CDON: variants seen among roughly 807,000 people sequenced by gnomAD.
CDON encodes the protein cell adhesion molecule-related/down-regulated by oncogenes.
CDON carries 73 observed loss-of-function variants against 120.9 expected under a neutral mutation model. The ratio of observed to expected loss-of-function variants is 0.60; its 90% confidence interval spans 0.50 to 0.73. The LOEUF is 0.73. Ranked by LOEUF, CDON falls within the 30% of genes least tolerant of loss-of-function variation. CDON has a pLI of 0.00. For missense variants in CDON, 1,470 were observed against 1,587.3 expected (o/e 0.93, Z 1.26); for synonymous variants, 566 against 573.5 (o/e 0.99, Z 0.19).
chr11:126,027,053 T>C (rs1947810252), intron 1 of CDON, among the ~76,000 whole-genome samples: 1 of 152,230 alleles, frequency 6.6e-6, no homozygotes, highest in South Asian at 2.1e-4. Context: ...ATCTTCTTTA[T>C]TAAGTCTATC....
intron 1 of CDON, among the ~76,000 whole-genome samples, chr11:126,028,496 G>A (rs1947857205): frequency 6.6e-6 from 1 of 151,856 alleles, no homozygotes; most frequent in South Asian, 2.1e-4. Context: ...CCAAGTAGCT[G>A]GGATTACAGG....
intron 3 of CDON, among the ~76,000 whole-genome samples, chr11:126,020,802 C>T (rs1191744494): frequency 1.3e-5 from 2 of 152,110 alleles, no homozygotes; most frequent in East Asian, 1.9e-4. Flanking sequence ...ATTAAAATCA[C>T]TCAGTAATCA....
rs748719428 is a variant in CDON at position 126,023,469 on chromosome 11, G to A, written c.8C>T (p.Pro3Leu). 3.0e-5 allele frequency: 48 copies of A among 1,611,098 alleles called. 3 individuals carry two copies. In the African/African-American group the frequency reaches 3.6e-4, roughly 12 times the overall value. ...CAGTGTACATAAGGGTCCAAGATCC[G>A]GATGCATAGCGCCAGATTACAGAAG... MH[P>L]DLGPLCTLLY... The change falls in exon 2 of 20, where the codon CCG becomes CTG. Residue 3 changes from proline to leucine, a missense_variant. Transcript: ENST00000531738.
At chr11:126,045,837 G>A (rs950969217) in intron 1 of CDON, among the ~76,000 whole-genome samples, 2 of 152,058 alleles carry the variant, frequency 1.3e-5, no homozygotes, top group African/African-American at 4.8e-5. Context: ...GGGCGTGGTG[G>A]CACATGCCTG....
rs375828166 is a variant in CDON at position 126,005,730 on chromosome 11, G to A, written c.1851+29C>T. 7.3e-5 allele frequency: 117 copies of A among 1,604,252 alleles called. No homozygotes were observed. In the East Asian group the frequency reaches 1.3e-3, roughly 18 times the overall value. ...TACAAAGAACGTTCAGGTGTGAGCC[G>A]AGAAAGATGATAAACGACAAGACAT... is the stretch of plus-strand genomic sequence containing the variant. On this transcript the variant is annotated intron_variant, in intron 9 of 19. Coordinates refer to ENST00000531738, the MANE Select transcript of CDON (RefSeq NM_001378964.1).
At chr11:125,981,433 C>T (rs1300741504) in intron 16 of CDON, 104 bp from the exon 17 acceptor site, 1 of 1,204,586 alleles carries the variant, frequency 8.3e-7, no homozygotes, top group East Asian at 2.5e-5. Context: ...CACACACGCA[C>T]ACACGCACAC....
intron 18 of CDON, among the ~76,000 whole-genome samples, chr11:125,970,362 A>G (rs1945944502): frequency 6.6e-6 from 1 of 151,526 alleles, no homozygotes; most frequent in South Asian, 2.1e-4. Flanking sequence ...TTTAGTAGAG[A>G]TGGGGTTTCA....
At chr11:126,010,954 T>C in intron 7 of CDON, 1 of 519,300 alleles carries the variant, frequency 1.9e-6, no homozygotes, top group Non-Finnish European at 3.7e-6. Context: ...AAGAAATCTT[T>C]TGAGAGTTTT....
chr11:126,027,394 A>G (rs79206156), intron 1 of CDON, among the ~76,000 whole-genome samples: 15,333 of 152,244 alleles, frequency 0.1, 814 homozygotes, highest in Admixed American at 0.13. Flanking sequence ...TCAATGGTAC[A>G]TCATTTTCAA....
Position 126,017,161 on chromosome 11 carries a change from G to A in CDON, c.855C>T (p.Ser285=), listed in dbSNP as rs141221434. 15 of 1,614,094 alleles carry A rather than the reference G, an allele frequency of 9.3e-6. No individual in the cohort carries two copies. The highest frequency in any genetic ancestry group is 1.6e-4 in the Middle Eastern group (1 of 6,062). Residue 285 remains serine, a synonymous_variant, in exon 6 of 20, where the codon TCC becomes TCT. Transcript: ENST00000531738. ...TTCCCGCCATGCAGGAATAGTTTCC[G>A]GAGTCCGCCGGGTCAACGCTATCAG... ...LATDSVDPAD[S]GNYSCMAGNK... is the part of the protein sequence containing the mutation.
intron 11 of CDON, 126 bp from the exon 12 acceptor site, chr11:125,997,536 T>C (rs1946824894): frequency 2.3e-5 from 17 of 736,792 alleles, no homozygotes; most frequent in South Asian, 1.5e-4. Flanking sequence ...TTTGCCAGAG[T>C]TTATAACATT....
In CDON at chr11:125,989,563, A is replaced by G. The variant is rs1946568462; in HGVS notation, c.2773+74T>C. 3.6e-6 allele frequency: 5 copies of G among 1,397,058 alleles called. No homozygotes were observed. In the Admixed American group the frequency reaches 5.1e-5, roughly 14 times the overall value. The allele number at this position is 1,397,058 out of a possible 1,614,324, so 86.5% of individuals were successfully genotyped here. A position where few individuals can be genotyped will look rare whatever the true frequency, so the allele number is the denominator to read the frequency against. On this transcript the variant is annotated intron_variant, in intron 15 of 19. Transcript: ENST00000531738. The stretch of plus-strand genomic sequence containing the variant: ...AACAAGACAAAACAAAACCCAGAAT[A>G]TATCAGTAGTCAGAAGCAGTAATCC...
intron 1 of CDON, among the ~76,000 whole-genome samples, chr11:126,040,385 T>A (rs1948222533): frequency 6.6e-6 from 1 of 152,244 alleles, no homozygotes; most frequent in Admixed American, 6.5e-5. Context: ...CTTAGTAAAT[T>A]GTGATAAATG....
Position 126,016,316 on chromosome 11 carries a change from C to G in CDON, c.928+772G>C, listed in dbSNP as rs146839168. Among the ~76,000 whole-genome samples, 28 of 152,212 alleles carry G rather than the reference C, an allele frequency of 1.8e-4. 1 individual carries two copies. Among genetic ancestry groups the G allele is most frequent in the African/African-American group, 6.7e-4 (28 of 41,528 alleles). On this transcript the variant is annotated intron_variant, in intron 6 of 19. Transcript: ENST00000531738. ...TAGCTGGTTAGAAACAAAGGAATAG[C>G]TTTGAAATAAAGTATACATAGAAAT...
intron 18 of CDON, among the ~76,000 whole-genome samples, chr11:125,974,730 ACCC>A (rs1410582734): frequency 6.6e-6 from 1 of 151,838 alleles, no homozygotes; most frequent in Non-Finnish European, 1.5e-5. Context: ...GTTCCATTCT[ACCC>A]CCTGAAGCCA....
rs201453301 is a variant in CDON, at chr11:126,019,998, GC to G, written c.350-234del. ...GGAGGTTCAGGCTGTGATGAGCCAAGCAGTGGAGAGCCACTGCACTCCAGCC... is the reference window on the plus strand; with the variant it reads ...GGAGGTTCAGGCTGTGATGAGCCAAGAGTGGAGAGCCACTGCACTCCAGCC... On this transcript the variant is annotated intron_variant, in intron 3 of 19. Coordinates refer to ENST00000531738, the MANE Select transcript of CDON (RefSeq NM_001378964.1). Among the ~76,000 whole-genome samples the G allele has an allele frequency of 0.1, 15,753 of 151,602 alleles. 853 individuals are homozygous for G. Among genetic ancestry groups the G allele is most frequent in the Admixed American group, 0.13 (1,922 of 15,226 alleles).
intron 18 of CDON, among the ~76,000 whole-genome samples, chr11:125,977,964 A>G (rs1382893129): frequency 2.6e-5 from 4 of 152,164 alleles, no homozygotes; most frequent in Admixed American, 2.6e-4. Context: ...ATAACATCCC[A>G]TAACATAGAG....
rs192139738 is a variant in CDON at position 126,004,984 on chromosome 11, T to C, written c.1851+775A>G. Among the ~76,000 whole-genome samples, 12 of 152,214 alleles carry C rather than the reference T, an allele frequency of 7.9e-5. 1 individual carries two copies. In the South Asian group the frequency reaches 2.3e-3, roughly 29 times the overall value. ...TTTACCACCAAAAATGACCTAACAA[T>C]GTATGACTTTAATACAATTAAAAAG... On this transcript the variant is annotated intron_variant, in intron 9 of 19. Transcript: ENST00000531738.
intron 1 of CDON, among the ~76,000 whole-genome samples, chr11:126,052,822 CA>C (rs34621999): frequency 0.081 from 6,393 of 78,490 alleles, 319 homozygotes; most frequent in African/African-American, 0.21. Flanking sequence ...GACTCCGTCT[CA>C]AAAAAAAAAA....
Sources: gnomAD v4.1 joint callset for allele counts (sites outside exome capture counted in the v4.1 genomes callset) on GRCh38, gnomAD v4.1.1 for gene constraint, MANE v1.5 for transcripts, NCBI Gene and HGNC (gene_info 2026-07-23, HGNC 2026-07-21) for gene names.